Variants in ZBTB40 observed in about 807,000 individuals in gnomAD.
ZBTB40 encodes the protein zinc finger and BTB domain containing 40, also known as zinc finger and BTB domain-containing protein 40.
Under a neutral mutation model 117.5 loss-of-function variants are expected in ZBTB40, and 60 were observed. The observed-to-expected ratio is 0.51, with a 90% CI of 0.41 to 0.63. The LOEUF is 0.63. ZBTB40 is among the 30% of genes least tolerant of loss of function. The pLI is 0.00. For missense variants in ZBTB40, 1,287 were observed against 1,498.5 expected (o/e 0.86, Z 2.33); for synonymous variants, 525 against 577.1 (o/e 0.91, Z 1.29).
chr1:22,471,533 T>C (rs1421583564), intron 1 of ZBTB40, among the ~76,000 whole-genome samples: 3 of 152,326 alleles, frequency 2.0e-5, no homozygotes, highest in East Asian at 1.9e-4. Context: ...ATCTACCTCA[T>C]TGAGATGTTA....
chr1:22,467,213 T>C (rs1641277580), intron 1 of ZBTB40, among the ~76,000 whole-genome samples: 1 of 152,212 alleles, frequency 6.6e-6, no homozygotes, highest in Admixed American at 6.5e-5. Flanking sequence ...CATGGATTTC[T>C]CATTCTTTTT....
intron 1 of ZBTB40, among the ~76,000 whole-genome samples, chr1:22,477,598 G>C (rs1641581664): frequency 6.6e-6 from 1 of 150,428 alleles, no homozygotes; most frequent in South Asian, 2.1e-4. Context: ...GCAGTGAGCT[G>C]AGATCGCGCC....
exon 1 of ZBTB40, among the ~76,000 whole-genome samples, chr1:22,428,916 C>T (rs567665147): frequency 1.3e-5 from 2 of 152,300 alleles, no homozygotes; most frequent in East Asian, 1.9e-4. Flanking sequence ...TTTCTTCTTT[C>T]CAGTTACCTC....
At position 22,455,500 on chromosome 1, in the gene ZBTB40, G is replaced by A. The variant is rs1376356958; in HGVS notation, c.-70+3496G>A. 3.3e-5 allele frequency among the ~76,000 whole-genome samples: 5 copies of A among 152,140 alleles called. No individual in the cohort carries two copies. In the East Asian group the frequency reaches 7.7e-4, roughly 23 times the overall value. ...GAAGACACATTCTAACCCTGCAAAC[G>A]GAGCAAAGAACTGGACAGAGAGTGT... On this transcript the variant is annotated intron_variant, in intron 1 of 17. Coordinates refer to ENST00000375647, the MANE Select transcript of ZBTB40 (RefSeq NM_014870.4).
intron 13 of ZBTB40, chr1:22,519,558 T>G (rs1639464702): frequency 4.8e-6 from 1 of 206,420 alleles, no homozygotes; most frequent in Admixed American, 5.3e-5. Flanking sequence ...AGAATATGCC[T>G]GTCATAGAGC....
chr1:22,456,582 A>AAACATCACATGT (rs1309605239), intron 1 of ZBTB40, among the ~76,000 whole-genome samples: 3 of 152,222 alleles, frequency 2.0e-5, no homozygotes, highest in Non-Finnish European at 1.5e-5. Flanking sequence ...ACCAACAATG[A>AAACATCACATGT]AACATCACAT....
chr1:22,453,768 C>T (rs184806379), intron 1 of ZBTB40, among the ~76,000 whole-genome samples: 15 of 152,264 alleles, frequency 9.9e-5, no homozygotes, highest in Non-Finnish European at 1.8e-4. Context: ...TCACACTGAA[C>T]ACCCTGTATT....
chr1:22,521,271 C>T (rs1203676918), intron 14 of ZBTB40, among the ~76,000 whole-genome samples: 2 of 152,216 alleles, frequency 1.3e-5, no homozygotes, highest in East Asian at 1.9e-4. Context: ...GTGAAGGACT[C>T]CTGGGAGCCC....
chr1:22,466,977 T>G (rs1272854302), intron 1 of ZBTB40, among the ~76,000 whole-genome samples: 1 of 152,172 alleles, frequency 6.6e-6, no homozygotes, highest in Non-Finnish European at 1.5e-5. Flanking sequence ...ATAGAGAGCC[T>G]AATTTTATGG....
intron 1 of ZBTB40, among the ~76,000 whole-genome samples, chr1:22,429,296 G>A (rs1050413805): frequency 1.3e-5 from 2 of 152,058 alleles, no homozygotes; most frequent in African/African-American, 2.4e-5. Context: ...GCAGGAGAAT[G>A]GCTGAACCCG....
rs1378970702 is a variant in ZBTB40 at position 22,472,997 on chromosome 1, T to C, written c.-69-16883T>C. Among the ~76,000 whole-genome samples the C allele has an allele frequency of 2.0e-5, 3 of 152,236 alleles. No individual in the cohort carries two copies. In the East Asian group the frequency reaches 5.8e-4, roughly 29 times the overall value. On this transcript the variant is annotated intron_variant, in intron 1 of 17. Coordinates refer to ENST00000375647, the MANE Select transcript of ZBTB40 (RefSeq NM_014870.4). ...TTATTCCCAGAGATACTTTGGACAT[T>C]GTTTTTCTGTCTGGAGCCAAGGGCA...
rs1364390422 is a variant in ZBTB40, at chr1:22,495,076, C to T, written c.831+3543C>T. Among the ~76,000 whole-genome samples, 44 of 152,112 alleles carry T rather than the reference C, an allele frequency of 2.9e-4. 1 individual carries two copies. The highest frequency in any genetic ancestry group is 2.8e-3 in the Admixed American group (43 of 15,274). Reference sequence around the variant, plus strand: ...TAATCTTAACTTGAGAACAGCTTAACGTTAAAAATAGTCTACTCCTGGATG... The same window carrying T: ...TAATCTTAACTTGAGAACAGCTTAATGTTAAAAATAGTCTACTCCTGGATG... On this transcript the variant is annotated intron_variant, in intron 3 of 17. Coordinates refer to ENST00000375647, the MANE Select transcript of ZBTB40 (RefSeq NM_014870.4).
intron 1 of ZBTB40, among the ~76,000 whole-genome samples, chr1:22,486,470 A>G (rs1638470180): frequency 6.6e-6 from 1 of 152,300 alleles, no homozygotes; most frequent in East Asian, 1.9e-4. Flanking sequence ...GCAGATTTCA[A>G]AATGGTTCCT....
intron 1 of ZBTB40, among the ~76,000 whole-genome samples, chr1:22,439,771 G>A (rs115509935): frequency 6.6e-4 from 101 of 152,298 alleles, no homozygotes; most frequent in African/African-American, 2.4e-3. Context: ...GGAAGCATGA[G>A]TCCTCCAGCA....
In ZBTB40 at chr1:22,501,783, T is replaced by G. The variant is rs1463505267; in HGVS notation, c.1024+99T>G. 8.2e-6 allele frequency: 11 copies of G among 1,343,404 alleles called. No homozygotes were observed. In the East Asian group the frequency reaches 2.2e-4, roughly 27 times the overall value. The allele number at this position is 1,343,404 out of a possible 1,614,324, so 83.2% of individuals were successfully genotyped here. A position where few individuals can be genotyped will look rare whatever the true frequency, so the allele number is the denominator to read the frequency against. On this transcript the variant is annotated intron_variant, in intron 4 of 17. Transcript: ENST00000375647. ...CATGTTTCTTTGGTGGCTTAGTTAT[T>G]AAGTGGTTTTCACATAAGTTTCACA...
intron 8 of ZBTB40, 95 bp from the exon 9 acceptor site, chr1:22,509,005 G>A (rs1639154947): frequency 1.3e-6 from 2 of 1,595,248 alleles, no homozygotes; most frequent in African/African-American, 2.7e-5. Context: ...TAGGGGAAAT[G>A]CATTTTCATT....
At chr1:22,460,308 C>A (rs1641102099) in intron 1 of ZBTB40, among the ~76,000 whole-genome samples, 1 of 152,178 alleles carries the variant, frequency 6.6e-6, no homozygotes, top group Non-Finnish European at 1.5e-5. Flanking sequence ...GCCATTGATT[C>A]ACTGGGTCAT....
intron 1 of ZBTB40, among the ~76,000 whole-genome samples, chr1:22,454,761 A>G (rs1389480149): frequency 6.6e-6 from 1 of 152,252 alleles, no homozygotes; most frequent in Non-Finnish European, 1.5e-5. Context: ...TGACCTGGAA[A>G]ATGTGGATAA....
chr1:22,500,023 A>G (rs1296521201), intron 3 of ZBTB40, among the ~76,000 whole-genome samples: 2 of 152,230 alleles, frequency 1.3e-5, no homozygotes, highest in African/African-American at 2.4e-5. Context: ...GACACTAAAA[A>G]ACATCAAAGG....
Sources: gnomAD v4.1 joint callset for allele counts (sites outside exome capture counted in the v4.1 genomes callset) on GRCh38, gnomAD v4.1.1 for gene constraint, MANE v1.5 for transcripts, NCBI Gene and HGNC (gene_info 2026-07-23, HGNC 2026-07-21) for gene names.